Variants in GAL3ST1 observed in about 807,000 individuals in gnomAD.
GAL3ST1 encodes the protein galactose-3-O-sulfotransferase 1.
A neutral mutation model predicts 25.0 loss-of-function variants in GAL3ST1; 13 were observed. The ratio of observed to expected loss-of-function variants is 0.52; its 90% CI spans 0.34 to 0.83. The LOEUF (loss-of-function observed/expected upper bound fraction) is 0.83. Ranked by LOEUF, GAL3ST1 falls within the 40% of genes least tolerant of loss-of-function variation. The pLI is 0.02. For missense variants in GAL3ST1, 474 were observed against 613.6 expected (o/e 0.77, Z 2.40); for synonymous variants, 274 against 277.8 (o/e 0.99, Z 0.14).
intron 1 of GAL3ST1, among the ~76,000 whole-genome samples, chr22:30,563,709 C>T (rs753648805): frequency 6.6e-6 from 1 of 151,510 alleles, no homozygotes; most frequent in Non-Finnish European, 1.5e-5. Context: ...GTCAGAAGAT[C>T]GAGACCATCC....
At chr22:30,567,689 T>A (rs1386282589) in intron 1 of GAL3ST1, among the ~76,000 whole-genome samples, 1 of 152,144 alleles carries the variant, frequency 6.6e-6, no homozygotes, top group Non-Finnish European at 1.5e-5. Context: ...TTTTTTGTTG[T>A]TGTTGTTGTT....
intron 2 of GAL3ST1, chr22:30,557,702 C>A (rs935229116): frequency 3.5e-6 from 1 of 283,268 alleles, no homozygotes; most frequent in Non-Finnish European, 6.5e-6. Flanking sequence ...CCCAAACTTT[C>A]CACTCCTTTT....
Position 30,555,328 on chromosome 22 carries a change from G to A in GAL3ST1, c.897C>T (p.Ala299=). Residue 299 remains alanine (A), a synonymous_variant, in exon 4 of 4, where the codon GCC becomes GCT. Coordinates refer to ENST00000406361, the MANE Select transcript of GAL3ST1 (RefSeq NM_001318104.2). This position sits in a 1 kb window ranked among gnomAD's most constrained non-coding sequence, Gnocchi z 8.6. ...AGAGGTGGGAGTCCAGCATGTTCCA[G>A]GCGGTGGCGCGCCCATACAGCTCCC... ...LSGELYGRAT[A]WNMLDSHLYR... is the part of the protein sequence containing the mutation. The A allele has an allele frequency of 1.9e-6, 3 of 1,607,422 alleles. No homozygotes were observed. The highest frequency in any genetic ancestry group is 2.5e-6 in the Non-Finnish European group (3 of 1,179,030).
At chr22:30,562,169 G>A (rs1372407687) in intron 1 of GAL3ST1, among the ~76,000 whole-genome samples, 2 of 152,072 alleles carry the variant, frequency 1.3e-5, no homozygotes, top group African/African-American at 2.4e-5. Context: ...TCTTGCCTCG[G>A]CCTCCTGAGT....
chr22:30,568,547 G>T (rs2086692048), intron 1 of GAL3ST1, among the ~76,000 whole-genome samples: 1 of 152,146 alleles, frequency 6.6e-6, no homozygotes, highest in African/African-American at 2.4e-5. Flanking sequence ...AAGAAAACGA[G>T]AACTGTATTA....
intron 1 of GAL3ST1, among the ~76,000 whole-genome samples, chr22:30,574,008 T>C (rs560320754): frequency 6.6e-6 from 1 of 152,270 alleles, no homozygotes; most frequent in East Asian, 1.9e-4. Flanking sequence ...AGGGGATCCA[T>C]CCCTTACTAT....
At position 30,555,745 on chromosome 22, in the gene GAL3ST1, G is replaced by A. The variant is rs1346154053; in HGVS notation, c.480C>T (p.Ile160=). 2 of 1,614,020 alleles carry A rather than the reference G, an allele frequency of 1.2e-6. No homozygotes were observed. Among genetic ancestry groups the A allele is most frequent in the East Asian group, 4.5e-5 (2 of 44,894 alleles). ...RGLVPTNAIF[I]TVLRDPARLF... Reference sequence around the variant, plus strand: ...AGCGGGCGGGGTCGCGGAGCACCGTGATGAAGATGGCGTTGGTCGGCACCA... The same window carrying A: ...AGCGGGCGGGGTCGCGGAGCACCGTAATGAAGATGGCGTTGGTCGGCACCA... The change falls in exon 4 of 4, where the codon ATC becomes ATT. Residue 160 remains isoleucine, a synonymous_variant. Transcript: ENST00000406361. The surrounding 1 kb of genome is among the most constrained non-coding windows in gnomAD (Gnocchi z 8.6).
chr22:30,571,144 G>A (rs1473883074), intron 1 of GAL3ST1, among the ~76,000 whole-genome samples: 1 of 152,188 alleles, frequency 6.6e-6, no homozygotes, highest in Non-Finnish European at 1.5e-5. Context: ...AAGACACTCT[G>A]CCCTCTCTGA....
intron 1 of GAL3ST1, among the ~76,000 whole-genome samples, chr22:30,569,696 C>G (rs2086725317): frequency 6.6e-6 from 1 of 152,058 alleles, no homozygotes; most frequent in African/African-American, 2.4e-5. Flanking sequence ...GGACAGGGAG[C>G]CTGTGCTTAC....
intron 1 of GAL3ST1, chr22:30,563,141 T>C (rs1386768343): frequency 6.6e-6 from 1 of 151,958 alleles, no homozygotes; most frequent in African/African-American, 2.4e-5. Flanking sequence ...GATTAAAAAA[T>C]AATAAAAATA....
intron 3 of GAL3ST1, among the ~76,000 whole-genome samples, chr22:30,556,535 C>T (rs2086038263): frequency 6.6e-6 from 1 of 152,144 alleles, no homozygotes; most frequent in Non-Finnish European, 1.5e-5. Context: ...TGCAGAGCAG[C>T]CCCATGAGGA....
rs112976399 is a variant in GAL3ST1 at position 30,555,239 on chromosome 22, C to G, written c.986G>C (p.Arg329Pro). Reference protein sequence around the residue: ...VEAFGRERMAREVAALRHANE... With the variant: ...VEAFGRERMAPEVAALRHANE... ...GGCATGGCGCAGGGCGGCCACCTCG[C>G]GGGCCATGCGCTCCCGCCCGAAGGC... The change falls in exon 4 of 4, where the codon CGC becomes CCC. Residue 329 changes from arginine (R) to proline (P), a missense_variant. Physicochemically the swap from Arg to Pro is moderately radical, Grantham distance 103. Around this residue, in one of 2 missense-constraint regions of GAL3ST1, gnomAD observed 359 missense variants for 504.4 expected, o/e 0.71. Coordinates refer to ENST00000406361, the MANE Select transcript of GAL3ST1 (RefSeq NM_001318104.2). The surrounding 1 kb of genome is among the most constrained non-coding windows in gnomAD (Gnocchi z 8.6). 1 of 1,598,594 alleles carries G rather than the reference C, an allele frequency of 6.3e-7. No individual in the cohort carries two copies. The highest frequency in any genetic ancestry group is 8.5e-7 in the Non-Finnish European group (1 of 1,175,490).
At position 30,574,530 on chromosome 22, in the gene GAL3ST1, C is replaced by G. The variant is rs2086852280; in HGVS notation, c.-184G>C. ...GCCCGGGCCGCGCCGCCCGGGCGCTCACTGGGCGGCGGGGCGCACCCGGCC... is the reference window on the plus strand; with the variant it reads ...GCCCGGGCCGCGCCGCCCGGGCGCTGACTGGGCGGCGGGGCGCACCCGGCC... On this transcript the variant is annotated 5_prime_UTR_variant, in exon 1 of 4. The change abolishes the stop of an existing upstream ORF in the 5' untranslated region. Transcript: ENST00000406361. 1 of 148,562 alleles carries G rather than the reference C, an allele frequency of 6.7e-6. No individual in the cohort carries two copies. Among genetic ancestry groups the G allele is most frequent in the Admixed American group, 6.7e-5 (1 of 14,958 alleles). 9.2% of individuals were successfully genotyped at this position (148,562 alleles called of 1,614,324 possible). A position where few individuals can be genotyped will look rare whatever the true frequency, so the allele number is the denominator to read the frequency against.
chr22:30,571,679 C>T (rs1248898950), intron 1 of GAL3ST1, among the ~76,000 whole-genome samples: 2 of 152,098 alleles, frequency 1.3e-5, no homozygotes, highest in African/African-American at 4.8e-5. Context: ...CTGGCTAACA[C>T]AGTGAAATCC....
chr22:30,569,696 C>T lies in GAL3ST1; in HGVS notation c.-120+4770G>A, dbSNP rs2086725317. ...GGGAAGGGTGAGGAAGGACAGGGAG[C>T]CTGTGCTTACGGAGCAGGGTGAAGA... On this transcript the variant is annotated intron_variant, in intron 1 of 3. Transcript: ENST00000406361. Among the ~76,000 whole-genome samples the T allele has an allele frequency of 2.0e-5, 3 of 152,058 alleles. No homozygotes were observed. In the South Asian group the frequency reaches 6.2e-4, roughly 32 times the overall value.
chr22:30,557,678 T>C (rs529870783), intron 2 of GAL3ST1: 1 of 320,020 alleles, frequency 3.1e-6, no homozygotes, highest in East Asian at 5.1e-5. Context: ...ATGAACCGGG[T>C]AGAGAACCAG....
chr22:30,557,477 C>A, intron 2 of GAL3ST1, 76 bp from the exon 3 acceptor site: 7 of 1,540,660 alleles, frequency 4.5e-6, no homozygotes, highest in Non-Finnish European at 6.2e-6. Context: ...CCAGGCCTGG[C>A]AGTTGAGCCC....
intron 1 of GAL3ST1, among the ~76,000 whole-genome samples, 155 bp downstream of exon 1, chr22:30,574,311 G>A (rs1468789111): frequency 6.6e-6 from 1 of 152,108 alleles, no homozygotes; most frequent in Non-Finnish European, 1.5e-5. Flanking sequence ...AGTGGGCAGG[G>A]GTACCCAGCG....
In GAL3ST1 at chr22:30,558,315, G is replaced by A. The variant is rs941795739; in HGVS notation, c.-46C>T. On this transcript the variant is annotated 5_prime_UTR_variant, in exon 2 of 4. Coordinates refer to ENST00000406361, the MANE Select transcript of GAL3ST1 (RefSeq NM_001318104.2). ...GTTACTTGGAAGGCTGAGGCGGGAG[G>A]ATTGCTTGAGCCTGAGTTCCAGTGA... is the stretch of plus-strand genomic sequence containing the variant. 1 of 152,162 alleles carries A rather than the reference G, an allele frequency of 6.6e-6. No homozygotes were observed. 9.4% of individuals were successfully genotyped at this position (152,162 alleles called of 1,614,324 possible).
Sources: allele counts gnomAD v4.1 joint callset (sites outside exome capture counted in the v4.1 genomes callset), GRCh38; gene constraint gnomAD v4.1.1; regional missense constraint gnomAD v4.1.1; non-coding constraint Gnocchi (gnomAD v3.1); transcripts MANE v1.5; gene names NCBI Gene and HGNC (gene_info 2026-07-23, HGNC 2026-07-21).